The following KALRN variants were observed in gnomAD, a reference collection of about 807,000 sequenced individuals.
The protein encoded by KALRN is kalirin RhoGEF kinase.
A neutral mutation model predicts 353.7 loss-of-function variants in KALRN; 70 were observed. That is an observed-to-expected ratio of 0.20 (90% CI 0.16 to 0.24). KALRN has a LOEUF of 0.24. KALRN is among the 10% of genes least tolerant of loss of function. The pLI, the probability that KALRN is intolerant of heterozygous loss-of-function variation, is 1.00. For synonymous variants in KALRN, 1,391 were observed against 1,434.8 expected, an observed-to-expected ratio of 0.97 and a Z score of 0.69; for missense variants, 2,791 against 3,756.7, an observed-to-expected ratio of 0.74 and a Z score of 6.72.
chr3:124,482,752 C>G, intron 27 of KALRN, 56 bp from the exon 28 acceptor site: 2 of 1,155,032 alleles, frequency 1.7e-6, no homozygotes, highest in South Asian at 1.2e-5. Flanking sequence ...TCTCAGAGTT[C>G]ACACACATGC....
chr3:124,454,095 T>C (rs961672805), intron 21 of KALRN, among the ~76,000 whole-genome samples: 1 of 152,230 alleles, frequency 6.6e-6, no homozygotes. Context: ...CCTAGTCCTA[T>C]AATAGATGAT....
intron 34 of KALRN, chr3:124,584,708 C>CG (rs2074955036): frequency 6.8e-7 from 1 of 1,476,966 alleles, no homozygotes; most frequent in East Asian, 2.5e-5. Context: ...GAGAGCACAG[C>CG]GGGGAGGGCG....
At chr3:124,385,989 T>G (rs768172877) in intron 11 of KALRN, among the ~76,000 whole-genome samples, 2 of 152,160 alleles carry the variant, frequency 1.3e-5, no homozygotes, top group Non-Finnish European at 2.9e-5. Flanking sequence ...TTAAGTTGAA[T>G]TTTAATATTG....
intron 1 of KALRN, among the ~76,000 whole-genome samples, chr3:124,074,924 G>A (rs116281713): frequency 0.039 from 5,958 of 152,086 alleles, 135 homozygotes; most frequent in Middle Eastern, 0.072. Flanking sequence ...ATAGTATCTT[G>A]GAAATTTTAT....
At chr3:124,153,687 C>T (rs1250302453) in intron 1 of KALRN, among the ~76,000 whole-genome samples, 2 of 151,554 alleles carry the variant, frequency 1.3e-5, no homozygotes, top group Non-Finnish European at 2.9e-5. Context: ...CCTGAGGAAT[C>T]GCCACACTGA....
Position 124,573,518 on chromosome 3 carries a change from A to G in KALRN, c.5182+10429A>G, listed in dbSNP as rs1405511518. On this transcript the variant is annotated intron_variant, in intron 34 of 59. Coordinates refer to ENST00000682506, the MANE Select transcript of KALRN (RefSeq NM_001388419.1). ...ATTGGTTTTCTTTTTTCTTTTTTTT[A>G]CCAGACAGGGTCTCACTCTATTACC... is the stretch of plus-strand genomic sequence containing the variant. 2.0e-5 allele frequency among the ~76,000 whole-genome samples: 3 copies of G among 151,714 alleles called. No homozygotes were observed. The East Asian group carries it at 5.8e-4, about 29-fold the overall frequency.
intron 17 of KALRN, among the ~76,000 whole-genome samples, chr3:124,436,200 A>G (rs1237468657): frequency 6.6e-6 from 1 of 152,212 alleles, no homozygotes; most frequent in Non-Finnish European, 1.5e-5. Context: ...ACAAATGTTA[A>G]TTTGAGATGG....
rs576433404 is a variant in KALRN at position 124,181,926 on chromosome 3, G to C, written c.74-46064G>C. 7.9e-5 allele frequency among the ~76,000 whole-genome samples: 12 copies of C among 152,138 alleles called. 1 individual carries two copies. Among genetic ancestry groups the C allele is most frequent in the Non-Finnish European group, 1.5e-4 (10 of 68,022 alleles). On this transcript the variant is annotated intron_variant, in intron 1 of 59. Coordinates refer to ENST00000682506, the MANE Select transcript of KALRN (RefSeq NM_001388419.1). Reference sequence around the variant, plus strand: ...GTACAGGGATCTTGTAGCAGATCAGGGATAAACATCTTGTTACCAACCTGA... The same window carrying C: ...GTACAGGGATCTTGTAGCAGATCAGCGATAAACATCTTGTTACCAACCTGA...
intron 1 of KALRN, among the ~76,000 whole-genome samples, chr3:124,062,052 A>G (rs1271675381): frequency 6.6e-6 from 1 of 152,180 alleles, no homozygotes; most frequent in East Asian, 1.9e-4. Flanking sequence ...TTGCTGAATC[A>G]CAATCTGCAT....
At chr3:124,571,668 T>C (rs1399019440) in intron 34 of KALRN, among the ~76,000 whole-genome samples, 3 of 152,190 alleles carry the variant, frequency 2.0e-5, no homozygotes, top group African/African-American at 7.2e-5. Flanking sequence ...TTAACCAAAG[T>C]ATCCTGTGTT....
intron 34 of KALRN, among the ~76,000 whole-genome samples, chr3:124,620,164 A>G (rs1326489226): frequency 1.3e-5 from 2 of 152,118 alleles, no homozygotes; most frequent in African/African-American, 2.4e-5. Context: ...GCAGTGGTGG[A>G]ATCACAGCTC....
chr3:124,309,667 GA>G (rs574519144), intron 6 of KALRN, among the ~76,000 whole-genome samples: 2,787 of 147,966 alleles, frequency 0.019, 27 homozygotes, highest in Middle Eastern at 0.048. Flanking sequence ...ACTTCAGTAG[GA>G]AAAAAAAAAC....
Position 124,288,763 on chromosome 3 carries a change from G to C in KALRN, c.970-10028G>C, listed in dbSNP as rs538729515. Among the ~76,000 whole-genome samples, 7 of 152,284 alleles carry C rather than the reference G, an allele frequency of 4.6e-5. No homozygotes were observed. The South Asian group carries it at 1.5e-3, about 32-fold the overall frequency. On this transcript the variant is annotated intron_variant, in intron 5 of 59. Transcript: ENST00000682506. ...ATTTGTAATTTATTATCTAGGCAGG[G>C]TGGGCTGAGGGATGAGTAGCAGCAA...
chr3:124,287,597 TG>T (rs1488059910), intron 5 of KALRN, among the ~76,000 whole-genome samples: 1 of 151,354 alleles, frequency 6.6e-6, no homozygotes, highest in Non-Finnish European at 1.5e-5. Context: ...TCTTGGTTAT[TG>T]ACCAATGCCT....
rs561635868 is a variant in KALRN, at chr3:124,435,634, G to A, written c.3048+1109G>A. On this transcript the variant is annotated intron_variant, in intron 17 of 59. Coordinates refer to ENST00000682506, the MANE Select transcript of KALRN (RefSeq NM_001388419.1). ...CTTCCTTGGAGCAAATATGACATGC[G>A]CATCAGAGGGCCCTGCAGCCAGGGT... Among the ~76,000 whole-genome samples the A allele has an allele frequency of 1.2e-4, 18 of 152,208 alleles. No individual in the cohort carries two copies. In the East Asian group the frequency reaches 2.3e-3, roughly 20 times the overall value.
Position 124,633,903 on chromosome 3 carries a change from C to T in KALRN, c.5518C>T (p.Leu1840Phe). ...GCCGGATGAAGAGTCACACACACCC[C>T]TCCCACCACCTATGAAGATTTTTGA... ...DEPDEESHTPLPPPMKIFDND... is the reference protein window; with the variant it reads ...DEPDEESHTPFPPPMKIFDND... Residue 1840 changes from leucine (L) to phenylalanine (F), a missense_variant, in exon 36 of 60, where the codon CTC becomes TTC. By Grantham distance (22) the Leu-to-Phe change is conservative. Around this residue, in one of 11 missense-constraint regions of KALRN, gnomAD observed 1,065 missense variants for 1,156.4 expected, o/e 0.92. Coordinates refer to ENST00000682506, the MANE Select transcript of KALRN (RefSeq NM_001388419.1). 1 of 1,614,132 alleles carries T rather than the reference C, an allele frequency of 6.2e-7. No individual in the cohort carries two copies. Among genetic ancestry groups the T allele is most frequent in the Non-Finnish European group, 8.5e-7 (1 of 1,180,006 alleles).
Position 124,618,199 on chromosome 3 carries a change from C to G in KALRN, c.5183-14221C>G, listed in dbSNP as rs539478503. ...TCTCGGCTCACTGCAAGCTCCGCCT[C>G]CCGGGGTTCATGCCCTTCTCCTGCC... On this transcript the variant is annotated intron_variant, in intron 34 of 59. Transcript: ENST00000682506. Among the ~76,000 whole-genome samples, 3 of 146,074 alleles carry G rather than the reference C, an allele frequency of 2.1e-5. No individual in the cohort carries two copies. In the East Asian group the frequency reaches 6.5e-4, roughly 32 times the overall value.
At chr3:124,331,472 A>G (rs750482932) in intron 8 of KALRN, among the ~76,000 whole-genome samples, 58 of 152,364 alleles carry the variant, frequency 3.8e-4, no homozygotes, top group Middle Eastern at 6.8e-3. Flanking sequence ...AAATTTAAAA[A>G]AATAAAATGA....
chr3:124,183,413 G>T (rs1044484233), intron 1 of KALRN, among the ~76,000 whole-genome samples: 1 of 152,066 alleles, frequency 6.6e-6, no homozygotes, highest in Non-Finnish European at 1.5e-5. Context: ...CTGGGGAGGT[G>T]CTACACTTTA....
Sources: gnomAD v4.1 joint callset for allele counts (sites outside exome capture counted in the v4.1 genomes callset) on GRCh38, gnomAD v4.1.1 for gene constraint, gnomAD v4.1.1 regional missense constraint, MANE v1.5 for transcripts, NCBI Gene and HGNC (gene_info 2026-07-23, HGNC 2026-07-21) for gene names.